The following FMO1 variants were observed in gnomAD, a reference collection of about 807,000 sequenced individuals.
FMO1 encodes the protein flavin containing dimethylaniline monoxygenase 1, also known as flavin-containing monooxygenase 1.
FMO1 carries 36 observed loss-of-function variants against 45.4 expected under a neutral mutation model. The ratio of observed to expected loss-of-function variants is 0.79; its 90% confidence interval spans 0.61 to 1.05. The LOEUF (loss-of-function observed/expected upper bound fraction) is 1.05. FMO1 is among the 50% of genes least tolerant of loss of function. The probability of loss-of-function intolerance (pLI) is 0.00; values close to 1 mark genes in which losing one functional copy is unlikely to be tolerated. For synonymous variants in FMO1, 228 were observed against 227.2 expected, an observed-to-expected ratio of 1.00 and a Z score of -0.03; for missense variants, 615 against 640.3, an observed-to-expected ratio of 0.96 and a Z score of 0.43.
At chr1:171,275,284 A>G in intron 3 of FMO1, 62 bp from the exon 4 acceptor site, 2 of 1,329,588 alleles carry the variant, frequency 1.5e-6, no homozygotes, top group Non-Finnish European at 2.1e-6. Flanking sequence ...ATGGTACATC[A>G]ACTGGCAAGT....
In FMO1 at chr1:171,275,323, C is replaced by T. The variant is rs748898932; in HGVS notation, c.322-23C>T. 8.1e-6 allele frequency: 13 copies of T among 1,608,514 alleles called. No homozygotes were observed. The African/African-American group carries it at 1.7e-4, about 21-fold the overall frequency. ...TAATGGAACATTGACAACTGCTAAT[C>T]ATATCTGTGATTCTTTTTTCAGACC... is the stretch of plus-strand genomic sequence containing the variant. On this transcript the variant is annotated intron_variant, in intron 3 of 8. Coordinates refer to ENST00000617670, the MANE Select transcript of FMO1 (RefSeq NM_001282693.2).
chr1:171,274,644 C>T (rs1661027110), intron 3 of FMO1, among the ~76,000 whole-genome samples: 1 of 152,016 alleles, frequency 6.6e-6, no homozygotes. Context: ...ACTTAAGAAG[C>T]CTATATTCTT....
At chr1:171,262,699 A>G (rs1660425581) in intron 2 of FMO1, among the ~76,000 whole-genome samples, 1 of 152,216 alleles carries the variant, frequency 6.6e-6, no homozygotes, top group Non-Finnish European at 1.5e-5. Flanking sequence ...CCTTATTTCT[A>G]AAACGTCTAT....
intron 8 of FMO1, 43 bp from the exon 9 acceptor site, chr1:171,285,159 T>G: frequency 7.5e-7 from 1 of 1,329,580 alleles, no homozygotes; most frequent in Non-Finnish European, 1.0e-6. Flanking sequence ...AGATTATCAG[T>G]TTTTTTGTCT....
chr1:171,282,523 C>T (rs1289923031), intron 7 of FMO1, 190 bp downstream of exon 7: 3 of 483,728 alleles, frequency 6.2e-6, no homozygotes, highest in East Asian at 3.0e-5. Context: ...AATGGTATAT[C>T]AGGGTCAAAA....
At chr1:171,257,983 A>T in intron 1 of FMO1, 99 bp from the exon 2 acceptor site, 1 of 1,385,972 alleles carries the variant, frequency 7.2e-7, no homozygotes, top group Non-Finnish European at 1.0e-6. Flanking sequence ...AACTGAGCAA[A>T]TCGCCTAATC....
intron 8 of FMO1, among the ~76,000 whole-genome samples, chr1:171,283,873 C>T (rs1661500500): frequency 6.6e-6 from 1 of 152,152 alleles, no homozygotes; most frequent in East Asian, 1.9e-4. Context: ...GAGATAGAAA[C>T]TGTAATGTGG....
chr1:171,282,981 C>A, intron 7 of FMO1, 163 bp from the exon 8 acceptor site: 1 of 527,260 alleles, frequency 1.9e-6, no homozygotes, highest in Non-Finnish European at 3.4e-6. Context: ...TTACCAGGAG[C>A]ATACAACCAG....
chr1:171,263,493 C>T (rs575200333), intron 2 of FMO1, among the ~76,000 whole-genome samples: 11 of 152,258 alleles, frequency 7.2e-5, no homozygotes, highest in African/African-American at 2.2e-4. Flanking sequence ...TCCTGGGCTG[C>T]GTCTCAAAGA....
chr1:171,264,407 G>A lies in FMO1; in HGVS notation c.133-3136G>A, dbSNP rs114581402. Among the ~76,000 whole-genome samples the A allele has an allele frequency of 7.3e-3, 1,088 of 149,790 alleles. 14 individuals are homozygous for A. Among genetic ancestry groups the A allele is most frequent in the African/African-American group, 0.025 (1,025 of 41,080 alleles). On this transcript the variant is annotated intron_variant, in intron 2 of 8. Coordinates refer to ENST00000617670, the MANE Select transcript of FMO1 (RefSeq NM_001282693.2). ...TATAGAGAGAAAAATTATATTTTGG[G>A]TATATTGAGTTAAATAAAATATACT...
chr1:171,256,103 C>A (rs1163915733), intron 1 of FMO1, among the ~76,000 whole-genome samples: 1 of 151,878 alleles, frequency 6.6e-6, no homozygotes, highest in South Asian at 2.1e-4. Flanking sequence ...GAAACCCCGT[C>A]TCTACTAAAA....
chr1:171,274,481 T>C (rs1253082565), intron 3 of FMO1, among the ~76,000 whole-genome samples: 4 of 152,056 alleles, frequency 2.6e-5, no homozygotes, highest in African/African-American at 4.8e-5. Context: ...CCAGGCTACA[T>C]ATTTATTATT....
At chr1:171,277,148 T>C (rs960048034) in intron 4 of FMO1, among the ~76,000 whole-genome samples, 1 of 152,150 alleles carries the variant, frequency 6.6e-6, no homozygotes, top group Non-Finnish European at 1.5e-5. Context: ...GATTTTAGAG[T>C]TGAAGAGCAG....
Position 171,283,085 on chromosome 1 carries a change from A to G in FMO1, c.1184-59A>G, listed in dbSNP as rs150824879. The stretch of plus-strand genomic sequence containing the variant: ...GCCATAGTAAAGCATCTTTATCCAT[A>G]AGTCAACAGCTAGACCTAAACTTAA... On this transcript the variant is annotated intron_variant, in intron 7 of 8. Transcript: ENST00000617670. 6.4e-5 allele frequency: 56 copies of G among 870,144 alleles called. No homozygotes were observed. The East Asian group carries it at 1.4e-3, about 22-fold the overall frequency. The allele number at this position is 870,144 out of a possible 1,614,324, so 53.9% of individuals were successfully genotyped here.
chr1:171,281,235 A>C (rs964897168), intron 6 of FMO1, among the ~76,000 whole-genome samples: 1 of 152,170 alleles, frequency 6.6e-6, no homozygotes, highest in African/African-American at 2.4e-5. Context: ...GAAACAGCAA[A>C]ATTCAGCCAT....
chr1:171,267,088 T>C (rs1202522275), intron 2 of FMO1, among the ~76,000 whole-genome samples: 1 of 152,218 alleles, frequency 6.6e-6, no homozygotes, highest in Non-Finnish European at 1.5e-5. Context: ...CCAGCTATCA[T>C]TGCCTCTGCT....
intron 4 of FMO1, among the ~76,000 whole-genome samples, chr1:171,278,219 A>C (rs764332812): frequency 4.6e-5 from 7 of 152,186 alleles, no homozygotes; most frequent in Non-Finnish European, 8.8e-5. Flanking sequence ...CTAACATGAA[A>C]CTTTGTGAAT....
At chr1:171,265,417 G>GA (rs201401866) in intron 2 of FMO1, among the ~76,000 whole-genome samples, 5,490 of 124,446 alleles carry the variant, frequency 0.044, 360 homozygotes, top group African/African-American at 0.15. Flanking sequence ...AAAAGAAAAA[G>GA]AAAAAAAAAA....
rs1407154938 is a variant in FMO1 at position 171,282,216 on chromosome 1, A to G, written c.1066A>G (p.Ile356Val). 1.9e-6 allele frequency: 3 copies of G among 1,614,000 alleles called. No individual in the cohort carries two copies. The highest frequency in any genetic ancestry group is 3.3e-5 in the Admixed American group (2 of 59,992). Residue 356 changes from isoleucine to valine, a missense_variant, in exon 7 of 9, where the codon ATC becomes GTC. Physicochemically the swap from Ile to Val is conservative, Grantham distance 29. Coordinates refer to ENST00000617670, the MANE Select transcript of FMO1 (RefSeq NM_001282693.2). ...TGGCCAGGCCTCACTGTACAAGTAT[A>G]TCTTCCCTGCACATCTGCAAAAGCC... ...EDGQASLYKYIFPAHLQKPTL... is the reference protein window; with the variant it reads ...EDGQASLYKYVFPAHLQKPTL...
Sources: gnomAD v4.1 joint callset for allele counts (sites outside exome capture counted in the v4.1 genomes callset) on GRCh38, gnomAD v4.1.1 for gene constraint, MANE v1.5 for transcripts, NCBI Gene and HGNC (gene_info 2026-07-23, HGNC 2026-07-21) for gene names.